The following VPS8 variants were observed in gnomAD, a reference collection of about 807,000 sequenced individuals.
VPS8 encodes the protein VPS8 subunit of CORVET complex, also known as vacuolar protein sorting-associated protein 8 homolog.
VPS8 carries 129 observed loss-of-function variants against 216.4 expected under a neutral mutation model. The observed-to-expected ratio is 0.60, with a 90% CI of 0.52 to 0.69. The LOEUF (loss-of-function observed/expected upper bound fraction) is 0.69. Ranked by LOEUF, VPS8 falls within the 30% of genes least tolerant of loss-of-function variation. The pLI, the probability that VPS8 is intolerant of heterozygous loss-of-function variation, is 0.00. For synonymous variants in VPS8, 571 were observed against 565.4 expected (o/e 1.01, Z -0.14); for missense variants, 1,531 against 1,683.5 (o/e 0.91, Z 1.59).
At chr3:184,934,572 GGA>G (rs1741270355) in intron 34 of VPS8, among the ~76,000 whole-genome samples, 1 of 152,108 alleles carries the variant, frequency 6.6e-6, no homozygotes, top group African/African-American at 2.4e-5. Flanking sequence ...TTTACTGTAA[GGA>G]TTTTTATGGA....
At chr3:184,886,019 A>G (rs1731150453) in intron 21 of VPS8, 91 bp from the exon 22 acceptor site, 3 of 1,390,906 alleles carry the variant, frequency 2.2e-6, no homozygotes, top group Middle Eastern at 3.6e-4. Flanking sequence ...TCCTCCTAAC[A>G]ATCTAAAAGC....
At chr3:184,868,144 A>ACCAAATAATC in intron 18 of VPS8, 85 bp downstream of exon 18, 1 of 1,421,280 alleles carries the variant, frequency 7.0e-7, no homozygotes, top group Non-Finnish European at 9.8e-7. Context: ...GAAGAAGATT[A>ACCAAATAATC]TTTGGTAAGC....
At chr3:184,985,720 T>C (rs1261489467) in intron 42 of VPS8, among the ~76,000 whole-genome samples, 2 of 152,178 alleles carry the variant, frequency 1.3e-5, no homozygotes, top group African/African-American at 2.4e-5. Flanking sequence ...GAACTGAACT[T>C]GGAAAAGATC....
At chr3:184,982,933 T>C (rs1671980208) in intron 41 of VPS8, 79 bp from the exon 42 acceptor site, 1 of 1,279,866 alleles carries the variant, frequency 7.8e-7, no homozygotes, top group Admixed American at 3.0e-5. Context: ...ATAAATGCAC[T>C]GTTTTTCCAC....
chr3:185,022,773 G>A (rs1400838717), intron 45 of VPS8, among the ~76,000 whole-genome samples: 1 of 151,992 alleles, frequency 6.6e-6, no homozygotes, highest in Admixed American at 6.6e-5. Context: ...AATTATCTTG[G>A]TTGTTTATTT....
At position 184,994,052 on chromosome 3, in the gene VPS8, A is replaced by G. The variant is rs1285361803; in HGVS notation, c.3655A>G (p.Asn1219Asp). 6.4e-6 allele frequency: 10 copies of G among 1,556,766 alleles called. No individual in the cohort carries two copies. The highest frequency in any genetic ancestry group is 8.7e-6 in the Non-Finnish European group (10 of 1,151,748). Reference protein sequence around the residue: ...GLILGMLDTFNYEQTLLETTT... With the variant: ...GLILGMLDTFDYEQTLLETTT... The stretch of plus-strand genomic sequence containing the variant: ...TATCTTGGGAATGTTAGATACCTTT[A>G]ACTATGAACAAGTAAGTAAGCTACT... Residue 1219 changes from asparagine to aspartate, a missense_variant, in exon 43 of 48, where the codon AAC becomes GAC. Physicochemically the swap from Asn to Asp is conservative, Grantham distance 23. Around this residue, in one of 3 missense-constraint regions of VPS8, gnomAD observed 1,318 missense variants for 1,468.4 expected, o/e 0.90. Coordinates refer to ENST00000625842, the MANE Select transcript of VPS8 (RefSeq NM_001009921.3).
chr3:184,917,685 C>T (rs760786211), intron 28 of VPS8, among the ~76,000 whole-genome samples: 2 of 152,200 alleles, frequency 1.3e-5, no homozygotes, highest in African/African-American at 4.8e-5. Context: ...GGATTAGAGG[C>T]GTAAGCCACC....
chr3:184,984,194 A>AAAAACTCACCAAG, intron 42 of VPS8, among the ~76,000 whole-genome samples: 1,078 of 46,544 alleles, frequency 0.023, 375 homozygotes, highest in African/African-American at 0.061. Context: ...AAAAAAAAAA[A>AAAAACTCACCAAG]CTCTACTTCC....
intron 30 of VPS8, among the ~76,000 whole-genome samples, chr3:184,925,220 A>G (rs1358747554): frequency 6.6e-6 from 1 of 152,150 alleles, no homozygotes; most frequent in Admixed American, 6.5e-5. Context: ...TGAATTGCCT[A>G]GAATTCGTTG....
At chr3:184,999,894 G>T (rs925677350) in intron 45 of VPS8, 33 bp downstream of exon 45, 2 of 1,577,468 alleles carry the variant, frequency 1.3e-6, no homozygotes, top group Middle Eastern at 3.5e-4. Flanking sequence ...AATGGAAATG[G>T]TCTTTTCTTA....
At chr3:184,861,275 A>T (rs1726324513) in intron 15 of VPS8, among the ~76,000 whole-genome samples, 2 of 152,230 alleles carry the variant, frequency 1.3e-5, no homozygotes, top group African/African-American at 4.8e-5. Flanking sequence ...GTCCAGTAAC[A>T]TTCTGTAGAT....
chr3:184,951,704 A>G (rs527642282), intron 36 of VPS8, among the ~76,000 whole-genome samples: 112 of 152,342 alleles, frequency 7.4e-4, no homozygotes, highest in African/African-American at 2.6e-3. Context: ...AAAAGAAAGC[A>G]GTGGGTGTAT....
chr3:184,868,851 G>A, intron 18 of VPS8, 95 bp from the exon 19 acceptor site: 1 of 1,033,676 alleles, frequency 9.7e-7, no homozygotes, highest in Admixed American at 2.7e-5. Context: ...TAGCCACTAA[G>A]CAGCAACTTC....
chr3:185,017,975 G>A lies in VPS8; in HGVS notation c.4003-6361G>A, dbSNP rs1413359718. Reference sequence around the variant, plus strand: ...TTTTCATTTTTTCCCTCAACTGGTGGCCTGACTTGCTGATTTTTTCTACAT... The same window carrying A: ...TTTTCATTTTTTCCCTCAACTGGTGACCTGACTTGCTGATTTTTTCTACAT... On this transcript the variant is annotated intron_variant, in intron 45 of 47. Transcript: ENST00000625842. Among the ~76,000 whole-genome samples the A allele has an allele frequency of 3.3e-5, 5 of 152,138 alleles. No homozygotes were observed. The East Asian group carries it at 9.6e-4, about 29-fold the overall frequency.
At chr3:184,930,902 A>C (rs541923631) in intron 34 of VPS8, among the ~76,000 whole-genome samples, 2 of 152,248 alleles carry the variant, frequency 1.3e-5, no homozygotes, top group South Asian at 4.1e-4. Flanking sequence ...CCAATCATCT[A>C]ATGGACTTTT....
At chr3:184,850,145 TAC>T in intron 10 of VPS8, 123 bp downstream of exon 10, 1 of 713,876 alleles carries the variant, frequency 1.4e-6, no homozygotes, top group South Asian at 2.0e-5. Flanking sequence ...AGCTGAACAT[TAC>T]CTTATAAATA....
At chr3:184,965,581 G>A (rs1353444067) in intron 38 of VPS8, among the ~76,000 whole-genome samples, 1 of 152,182 alleles carries the variant, frequency 6.6e-6, no homozygotes, top group East Asian at 1.9e-4. Flanking sequence ...GAGAAACAAC[G>A]GCTAGGTCCA....
intron 45 of VPS8, among the ~76,000 whole-genome samples, chr3:185,014,819 A>G (rs1755561451): frequency 6.6e-6 from 1 of 152,202 alleles, no homozygotes; most frequent in African/African-American, 2.4e-5. Context: ...AGAAAAATGT[A>G]GCTAGAGCTT....
chr3:184,903,063 A>T (rs1734857252), intron 25 of VPS8, among the ~76,000 whole-genome samples: 1 of 152,174 alleles, frequency 6.6e-6, no homozygotes, highest in Non-Finnish European at 1.5e-5. Context: ...TCATTGAATT[A>T]CCTTGACACC....
Sources: gnomAD v4.1 joint callset for allele counts (sites outside exome capture counted in the v4.1 genomes callset) on GRCh38, gnomAD v4.1.1 for gene constraint, gnomAD v4.1.1 regional missense constraint, MANE v1.5 for transcripts, NCBI Gene and HGNC (gene_info 2026-07-23, HGNC 2026-07-21) for gene names.